Variants in SNTG1 observed in about 807,000 individuals in gnomAD.
SNTG1 encodes syntrophin gamma 1.
A neutral mutation model predicts 74.7 loss-of-function variants in SNTG1; 39 were observed. That is an observed-to-expected ratio of 0.52 (90% CI 0.40 to 0.68). The LOEUF is 0.68. Ranked by LOEUF, SNTG1 falls within the 30% of genes least tolerant of loss-of-function variation. SNTG1 has a pLI of 0.00. For synonymous variants in SNTG1, 254 were observed against 217.1 expected (o/e 1.17, Z -1.49); for missense variants, 685 against 609.5 (o/e 1.12, Z -1.30).
intron 11 of SNTG1, among the ~76,000 whole-genome samples, chr8:50,541,623 T>A (rs1420167059): frequency 2.0e-5 from 3 of 152,154 alleles, no homozygotes; most frequent in African/African-American, 7.2e-5. Flanking sequence ...ATACTTACAA[T>A]ATCCATCATC....
intron 1 of SNTG1, among the ~76,000 whole-genome samples, chr8:49,912,752 A>G (rs1027668496): frequency 1.3e-5 from 2 of 152,184 alleles, no homozygotes; most frequent in African/African-American, 4.8e-5. Context: ...CACCTGTAGG[A>G]TCTTACGTAA....
intron 1 of SNTG1, among the ~76,000 whole-genome samples, chr8:50,164,899 AT>A (rs1298951947): frequency 6.6e-6 from 1 of 152,220 alleles, no homozygotes; most frequent in Admixed American, 6.5e-5. Flanking sequence ...TTACTCTAAC[AT>A]TTTGGTCAAA....
intron 1 of SNTG1, among the ~76,000 whole-genome samples, chr8:50,116,675 T>C (rs1037573179): frequency 2.0e-5 from 3 of 152,216 alleles, no homozygotes; most frequent in Admixed American, 2.0e-4. Flanking sequence ...CCTATTTCTT[T>C]CTCTTGTTAG....
At chr8:50,529,688 G>A (rs1299959044) in intron 9 of SNTG1, among the ~76,000 whole-genome samples, 1 of 151,968 alleles carries the variant, frequency 6.6e-6, no homozygotes, top group Non-Finnish European at 1.5e-5. Context: ...TACAAAATGT[G>A]ATAATTTTAA....
chr8:50,175,722 T>G (rs1349908600), intron 2 of SNTG1, among the ~76,000 whole-genome samples: 2 of 152,188 alleles, frequency 1.3e-5, no homozygotes, highest in Non-Finnish European at 2.9e-5. Context: ...AGGAAAATAA[T>G]GGAAATTCAC....
At chr8:50,332,439 GC>G (rs2091001683) in intron 2 of SNTG1, among the ~76,000 whole-genome samples, 1 of 150,394 alleles carries the variant, frequency 6.6e-6, no homozygotes, top group Non-Finnish European at 1.5e-5. Flanking sequence ...TATTACTTAA[GC>G]CTTGTTTTTT....
At chr8:50,261,875 G>C (rs1025188944) in intron 2 of SNTG1, among the ~76,000 whole-genome samples, 3 of 151,964 alleles carry the variant, frequency 2.0e-5, no homozygotes, top group Non-Finnish European at 2.9e-5. Flanking sequence ...AGACAAACAA[G>C]GAACAGAGGA....
intron 13 of SNTG1, among the ~76,000 whole-genome samples, chr8:50,643,556 G>A (rs1383557593): frequency 1.3e-5 from 2 of 152,052 alleles, no homozygotes; most frequent in East Asian, 1.9e-4. Context: ...CGAAAGTGAA[G>A]ATTACTTCTT....
At chr8:50,220,313 G>T (rs1287572239) in intron 2 of SNTG1, among the ~76,000 whole-genome samples, 1 of 152,110 alleles carries the variant, frequency 6.6e-6, no homozygotes, top group Non-Finnish European at 1.5e-5. Context: ...AGGTTATATA[G>T]ATATATCTGC....
intron 1 of SNTG1, among the ~76,000 whole-genome samples, chr8:50,090,869 T>C (rs1235988590): frequency 2.0e-5 from 3 of 152,094 alleles, no homozygotes; most frequent in Non-Finnish European, 4.4e-5. Flanking sequence ...AATAGAAGAA[T>C]GAAAAGATAG....
intron 16 of SNTG1, 52 bp from the exon 17 acceptor site, chr8:50,708,834 T>A: frequency 8.4e-7 from 1 of 1,195,784 alleles, no homozygotes; most frequent in Non-Finnish European, 1.2e-6. Flanking sequence ...GTTCATAATA[T>A]TGATATTGCA....
At chr8:50,609,442 T>A (rs1293624320) in intron 13 of SNTG1, among the ~76,000 whole-genome samples, 2 of 152,128 alleles carry the variant, frequency 1.3e-5, no homozygotes, top group Non-Finnish European at 2.9e-5. Context: ...ATTTGATAAA[T>A]GTTTTTTTGC....
At chr8:50,689,623 T>C (rs2095368656) in intron 15 of SNTG1, among the ~76,000 whole-genome samples, 1 of 152,170 alleles carries the variant, frequency 6.6e-6, no homozygotes, top group Non-Finnish European at 1.5e-5. Context: ...AGATAAGCTG[T>C]TTGATGTGCT....
chr8:50,091,079 T>G (rs1018720916), intron 1 of SNTG1, among the ~76,000 whole-genome samples: 4 of 152,150 alleles, frequency 2.6e-5, no homozygotes, highest in Admixed American at 6.6e-5. Flanking sequence ...ATAAACATAG[T>G]GGCATAGATA....
chr8:50,671,073 C>A (rs904854353), intron 15 of SNTG1, among the ~76,000 whole-genome samples: 50 of 151,552 alleles, frequency 3.3e-4, no homozygotes, highest in African/African-American at 1.2e-3. Flanking sequence ...AATGTTAGAC[C>A]TAAAACCATA....
intron 2 of SNTG1, among the ~76,000 whole-genome samples, chr8:50,252,546 CAA>C (rs2086688729): frequency 6.6e-6 from 1 of 152,072 alleles, no homozygotes; most frequent in Non-Finnish European, 1.5e-5. Context: ...ATCACAGATA[CAA>C]AGGTTGCACA....
chr8:50,616,028 C>T (rs958076719), intron 13 of SNTG1, among the ~76,000 whole-genome samples: 1 of 152,216 alleles, frequency 6.6e-6, no homozygotes, highest in Non-Finnish European at 1.5e-5. Context: ...ACAATTTCTT[C>T]TTCTCCAGGA....
intron 1 of SNTG1, among the ~76,000 whole-genome samples, chr8:49,918,662 A>G (rs1223375784): frequency 6.6e-6 from 1 of 152,102 alleles, no homozygotes; most frequent in Non-Finnish European, 1.5e-5. Context: ...ACACAACCGC[A>G]CAAACACAGG....
chr8:50,252,178 T>A (rs560669566), intron 2 of SNTG1, among the ~76,000 whole-genome samples: 1 of 152,022 alleles, frequency 6.6e-6, no homozygotes, highest in African/African-American at 2.4e-5. Flanking sequence ...TAAAAACACA[T>A]CATACTGAAC....
Sources: allele counts gnomAD v4.1 joint callset (sites outside exome capture counted in the v4.1 genomes callset), GRCh38; gene constraint gnomAD v4.1.1; transcripts MANE v1.5; gene names NCBI Gene and HGNC (gene_info 2026-07-23, HGNC 2026-07-21).